MOB3A: variants seen among roughly 807,000 people sequenced by gnomAD.
MOB3A encodes MOB kinase activator 3A, also known as MOB LAK.
Under a neutral mutation model 17.8 loss-of-function variants are expected in MOB3A, and 17 were observed. The observed-to-expected ratio is 0.95, with a 90% CI of 0.65 to 1.43. MOB3A has a LOEUF of 1.43. MOB3A is among the 40% of genes most tolerant of loss of function. MOB3A has a pLI of 0.00. For synonymous variants in MOB3A, 124 were observed against 133.2 expected (o/e 0.93, Z 0.48); for missense variants, 333 against 310.8 (o/e 1.07, Z -0.54).
Position 2,085,287 on chromosome 19 carries a change from C to A in MOB3A, c.-232G>T, listed in dbSNP as rs889418577. 1 of 152,194 alleles carries A rather than the reference C, an allele frequency of 6.6e-6. No homozygotes were observed. Among genetic ancestry groups the A allele is most frequent in the East Asian group, 1.9e-4 (1 of 5,186 alleles). 9.4% of individuals were successfully genotyped at this position (152,194 alleles called of 1,614,324 possible). Reference sequence around the variant, plus strand: ...CACACCAAGGCCTTCTGGGCTCCCCCGGTCTTCCCACGGACGAGACACAAG... The same window carrying A: ...CACACCAAGGCCTTCTGGGCTCCCCAGGTCTTCCCACGGACGAGACACAAG... On this transcript the variant is annotated 5_prime_UTR_variant, in exon 2 of 5. Coordinates refer to ENST00000357066, the MANE Select transcript of MOB3A (RefSeq NM_130807.3).
At chr19:2,081,415 C>T (rs1392720081) in intron 2 of MOB3A, among the ~76,000 whole-genome samples, 1 of 151,608 alleles carries the variant, frequency 6.6e-6, no homozygotes, top group Non-Finnish European at 1.5e-5. Flanking sequence ...TGGTGAAACC[C>T]CATCTCTACT....
At chr19:2,086,816 G>A (rs1489441788) in intron 1 of MOB3A, among the ~76,000 whole-genome samples, 1 of 150,650 alleles carries the variant, frequency 6.6e-6, no homozygotes, top group Non-Finnish European at 1.5e-5. Context: ...TTTAGAGACA[G>A]GGTCTTGCTC....
At chr19:2,091,279 C>T (rs955122158) in intron 1 of MOB3A, among the ~76,000 whole-genome samples, 6 of 152,116 alleles carry the variant, frequency 3.9e-5, no homozygotes, top group South Asian at 2.1e-4. Context: ...CAGGACGGCC[C>T]GGCCACACAG....
chr19:2,078,505 T>C lies in MOB3A; in HGVS notation c.56A>G (p.Lys19Arg), dbSNP rs2017446465. 1.9e-6 allele frequency: 3 copies of C among 1,605,396 alleles called. No homozygotes were observed. Among genetic ancestry groups the C allele is most frequent in the African/African-American group, 1.3e-5 (1 of 74,792 alleles). Reference protein sequence around the residue: ...VFNKDKTFRPKRKFEPGTQRF... With the variant: ...VFNKDKTFRPRRKFEPGTQRF... ...CTGGGTGCCTGGCTCAAACTTGCGC[T>C]TGGGGCGGAATGTCTTGTCCTTGTT... The change falls in exon 3 of 5, where the codon AAG (lysine) becomes AGG (arginine). Residue 19 changes from lysine to arginine, a missense_variant. Physicochemically the swap from Lys to Arg is conservative, Grantham distance 26. Transcript: ENST00000357066.
intron 4 of MOB3A, 70 bp downstream of exon 4, chr19:2,076,741 G>T: frequency 1.3e-6 from 2 of 1,520,946 alleles, no homozygotes; most frequent in Non-Finnish European, 1.8e-6. Context: ...TCCTGGCCCC[G>T]GAAGGGTTCC....
intron 4 of MOB3A, 103 bp from the exon 5 acceptor site, chr19:2,073,527 G>A: frequency 6.6e-7 from 1 of 1,507,314 alleles, no homozygotes; most frequent in Non-Finnish European, 9.2e-7. Flanking sequence ...ACGGCAGCTG[G>A]GGGCTTCCCT....
At chr19:2,080,667 C>T (rs914900874) in intron 2 of MOB3A, among the ~76,000 whole-genome samples, 8 of 152,170 alleles carry the variant, frequency 5.3e-5, no homozygotes, top group East Asian at 3.8e-4. Flanking sequence ...AGCACCACCG[C>T]GCCCGGCTGT....
intron 1 of MOB3A, among the ~76,000 whole-genome samples, chr19:2,086,823 G>C (rs896298485): frequency 6.6e-6 from 1 of 151,906 alleles, no homozygotes; most frequent in African/African-American, 2.4e-5. Flanking sequence ...ACAGGGTCTT[G>C]CTCTGTTGCC....
At chr19:2,080,039 C>A (rs1173024491) in intron 2 of MOB3A, among the ~76,000 whole-genome samples, 2 of 152,206 alleles carry the variant, frequency 1.3e-5, no homozygotes. Context: ...GTGTGCCGGG[C>A]TCACGCTCAC....
intron 1 of MOB3A, among the ~76,000 whole-genome samples, chr19:2,092,221 C>G (rs1235259558): frequency 1.3e-5 from 2 of 151,380 alleles, no homozygotes; most frequent in Non-Finnish European, 2.9e-5. Flanking sequence ...CCACCTCAGC[C>G]TCTCAAGTAG....
chr19:2,089,476 G>A (rs2017588949), intron 1 of MOB3A, among the ~76,000 whole-genome samples: 1 of 152,130 alleles, frequency 6.6e-6, no homozygotes, highest in Non-Finnish European at 1.5e-5. Context: ...CCCACTCCAT[G>A]CCAGGAGCAC....
At position 2,072,600 on chromosome 19, in the gene MOB3A, G is replaced by A. The variant is rs4476281; in HGVS notation, c.*795C>T. On this transcript the variant is annotated 3_prime_UTR_variant, in exon 5 of 5. Coordinates refer to ENST00000357066, the MANE Select transcript of MOB3A (RefSeq NM_130807.3). The stretch of plus-strand genomic sequence containing the variant: ...CTGGATACAGTCAGCTGAATGTTTC[G>A]GAAGAACGGAAGAAGCAGAGTGCAT... 0.35 allele frequency: 53,132 copies of A among 151,844 alleles called. 9,849 individuals are homozygous for A. Among genetic ancestry groups the A allele is most frequent in the African/African-American group, 0.46 (18,961 of 41,348 alleles). The allele number at this position is 151,844 out of a possible 1,614,324, so 9.4% of individuals were successfully genotyped here. A position where few individuals can be genotyped will look rare whatever the true frequency, so the allele number is the denominator to read the frequency against.
In MOB3A at chr19:2,076,932, A is replaced by T; in HGVS notation, c.503T>A (p.Ile168Asn). Reference sequence around the variant, plus strand: ...CTGCGCGATGCGGTCAAAGTGGTGGATGTAGACGTGCACGAACACGCGGAA... The same window carrying T: ...CTGCGCGATGCGGTCAAAGTGGTGGTTGTAGACGTGCACGAACACGCGGAA... ...RLFRVFVHVY[I>N]HHFDRIAQMG... Residue 168 changes from isoleucine (I) to asparagine (N), a missense_variant, in exon 4 of 5, where the codon ATC becomes AAC. By Grantham distance (149) the Ile-to-Asn change is moderately radical. Coordinates refer to ENST00000357066, the MANE Select transcript of MOB3A (RefSeq NM_130807.3). The T allele has an allele frequency of 6.2e-7, 1 of 1,614,040 alleles. No individual in the cohort carries two copies.
Position 2,078,553 on chromosome 19 carries a change from T to A in MOB3A, c.8A>T (p.Asn3Ile), listed in dbSNP as rs767591156. The change falls in exon 3 of 5, where the codon AAC (asparagine) becomes ATC (isoleucine). Residue 3 changes from asparagine to isoleucine, a missense_variant. Asn to Ile is a moderately radical substitution (Grantham distance 149, BLOSUM62 -3). Transcript: ENST00000357066. MS[N>I]PFLKQVFNKD... ...GTTGAAGACTTGCTTCAGGAAGGGG[T>A]TGGACATCTTGGTGACGCCTGCTCT... 1 of 1,567,308 alleles carries A rather than the reference T, an allele frequency of 6.4e-7. No individual in the cohort carries two copies. The highest frequency in any genetic ancestry group is 8.7e-7 in the Non-Finnish European group (1 of 1,152,486).
intron 2 of MOB3A, among the ~76,000 whole-genome samples, chr19:2,078,882 C>G (rs1037750001): frequency 2.6e-5 from 4 of 152,182 alleles, no homozygotes. Context: ...ACTTAGCCTC[C>G]TGAATAGCTG....
At chr19:2,076,396 C>A (rs932449686) in intron 4 of MOB3A, among the ~76,000 whole-genome samples, 1 of 152,322 alleles carries the variant, frequency 6.6e-6, no homozygotes, top group East Asian at 1.9e-4. Flanking sequence ...CGCACCACTG[C>A]ACTCCAGCCT....
chr19:2,088,224 C>A (rs1425354612), intron 1 of MOB3A, among the ~76,000 whole-genome samples: 2 of 152,222 alleles, frequency 1.3e-5, no homozygotes, highest in Admixed American at 1.3e-4. Flanking sequence ...AGAGACTAAT[C>A]AGCCTTGAAT....
rs1299398016 is a variant in MOB3A, at chr19:2,082,119, C to T, written c.-120+3056G>A. ...CAGCCCATCCTGGGGCCCTTAGCCA[C>T]CATCGTCACTTCCTGCCACCAGGGT... On this transcript the variant is annotated intron_variant, in intron 2 of 4. Transcript: ENST00000357066. The surrounding 1 kb of genome is among the most constrained non-coding windows in gnomAD (Gnocchi z 4.1). Among the ~76,000 whole-genome samples the T allele has an allele frequency of 1.3e-5, 2 of 152,232 alleles. No individual in the cohort carries two copies. Among genetic ancestry groups the T allele is most frequent in the African/African-American group, 4.8e-5 (2 of 41,450 alleles).
Position 2,076,981 on chromosome 19 carries a change from C to T in MOB3A, c.454G>A (p.Val152Met). ...TPFPKNFLQTVRKILSRLFRV... is the reference protein window; with the variant it reads ...TPFPKNFLQTMRKILSRLFRV... ...AACAGCCGCGACAGGATCTTCCGCA[C>T]CGTCTGCAGGAAGTTCTTGGGAAAC... is the stretch of plus-strand genomic sequence containing the variant. Residue 152 changes from valine (V) to methionine (M), a missense_variant, in exon 4 of 5, where the codon GTG becomes ATG. Transcript: ENST00000357066. 6.2e-7 allele frequency: 1 copy of T among 1,613,738 alleles called. No individual in the cohort carries two copies. The highest frequency in any genetic ancestry group is 8.5e-7 in the Non-Finnish European group (1 of 1,179,968).
Sources: gnomAD v4.1 joint callset for allele counts (sites outside exome capture counted in the v4.1 genomes callset) on GRCh38, gnomAD v4.1.1 for gene constraint, Gnocchi (gnomAD v3.1) non-coding constraint, MANE v1.5 for transcripts, NCBI Gene and HGNC (gene_info 2026-07-23, HGNC 2026-07-21) for gene names.